ICA1: variants seen among roughly 807,000 people sequenced by gnomAD.
ICA1 encodes 69 kDa islet cell autoantigen.
ICA1 carries 40 observed loss-of-function variants against 71.0 expected under a neutral mutation model. The ratio of observed to expected loss-of-function variants is 0.56; its 90% confidence interval spans 0.44 to 0.73. The LOEUF is 0.73. Ranked by LOEUF, ICA1 falls within the 30% of genes least tolerant of loss-of-function variation. The pLI, the probability that ICA1 is intolerant of heterozygous loss-of-function variation, is 0.00. For missense variants in ICA1, 578 were observed against 576.5 expected, an observed-to-expected ratio of 1.00 and a Z score of -0.03; for synonymous variants, 207 against 209.5, an observed-to-expected ratio of 0.99 and a Z score of 0.10.
chr7:8,116,266 G>T (rs1323303214), intron 13 of ICA1: 1 of 152,224 alleles, frequency 6.6e-6, no homozygotes, highest in Non-Finnish European at 1.5e-5. Flanking sequence ...CATTTGGACT[G>T]CTTGTCTTTG....
At chr7:8,247,435 G>T (rs1385130872) in intron 1 of ICA1, among the ~76,000 whole-genome samples, 1 of 152,012 alleles carries the variant, frequency 6.6e-6, no homozygotes, top group African/African-American at 2.4e-5. Flanking sequence ...ACTCCAGCCT[G>T]GGTGACAGAG....
At chr7:8,187,741 T>C (rs1478470802) in intron 6 of ICA1, among the ~76,000 whole-genome samples, 2 of 152,248 alleles carry the variant, frequency 1.3e-5, no homozygotes, top group African/African-American at 4.8e-5. Context: ...TATAAGCTTT[T>C]TTCTATCTTT....
At chr7:8,262,041 GCT>G (rs1181309797) in intron 1 of ICA1, 51 bp downstream of exon 1, 1 of 152,182 alleles carries the variant, frequency 6.6e-6, no homozygotes, top group African/African-American at 2.4e-5. Context: ...GTCTCCTGCT[GCT>G]TCCTGCAGCC....
chr7:8,153,836 A>AATAT (rs33924786), intron 8 of ICA1, among the ~76,000 whole-genome samples: 5,297 of 137,076 alleles, frequency 0.039, 163 homozygotes, highest in African/African-American at 0.064. Context: ...ACTCATGCAG[A>AATAT]ATATATATAT....
intron 3 of ICA1, among the ~76,000 whole-genome samples, chr7:8,231,092 G>A (rs957072431): frequency 2.6e-5 from 4 of 151,864 alleles, no homozygotes; most frequent in African/African-American, 9.7e-5. Flanking sequence ...GGGTAGGTGG[G>A]GAGCAGGGGT....
At chr7:8,202,421 C>CTA (rs1218613607) in intron 6 of ICA1, among the ~76,000 whole-genome samples, 1 of 152,198 alleles carries the variant, frequency 6.6e-6, no homozygotes, top group African/African-American at 2.4e-5. Flanking sequence ...TTGCTTAGAA[C>CTA]TGTAGCTGAT....
chr7:8,240,517 G>A (rs186381388), intron 1 of ICA1, among the ~76,000 whole-genome samples: 15 of 152,246 alleles, frequency 9.9e-5, no homozygotes, highest in Middle Eastern at 3.4e-3. Flanking sequence ...CCAAAGGATC[G>A]CAGCCCCTTG....
intron 6 of ICA1, among the ~76,000 whole-genome samples, chr7:8,175,058 T>C (rs980062484): frequency 6.6e-6 from 1 of 152,116 alleles, no homozygotes; most frequent in African/African-American, 2.4e-5. Context: ...TCATCTCATG[T>C]GCTTGTCAGG....
In ICA1 at chr7:8,222,149, G is replaced by A. The variant is rs1797307737; in HGVS notation, c.257-751C>T. Among the ~76,000 whole-genome samples, 1 of 152,136 alleles carries A rather than the reference G, an allele frequency of 6.6e-6. No individual in the cohort carries two copies. The highest frequency in any genetic ancestry group is 1.5e-5 in the Non-Finnish European group (1 of 68,022). Reference sequence around the variant, plus strand: ...TCTACTGTTAGGAGAACTTCCTAAGGAAGTAGCAAAATGGGCACAAAGATG... The same window carrying A: ...TCTACTGTTAGGAGAACTTCCTAAGAAAGTAGCAAAATGGGCACAAAGATG... On this transcript the variant is annotated intron_variant, in intron 4 of 13. Coordinates refer to ENST00000402384, the MANE Select transcript of ICA1 (RefSeq NM_001136020.3). This position sits in a 1 kb window ranked among gnomAD's most constrained non-coding sequence, Gnocchi z 4.8.
chr7:8,226,796 A>T lies in ICA1; in HGVS notation c.256+1805T>A, dbSNP rs1307518518. 6.6e-6 allele frequency among the ~76,000 whole-genome samples: 1 copy of T among 152,236 alleles called. No homozygotes were observed. The highest frequency in any genetic ancestry group is 1.5e-5 in the Non-Finnish European group (1 of 68,038). ...TGACTGCTTCAACGGTGGGGACATT[A>T]TTCTAACCCTTTATATTACAAGATA... is the stretch of plus-strand genomic sequence containing the variant. On this transcript the variant is annotated intron_variant, in intron 4 of 13. Transcript: ENST00000402384. The surrounding 1 kb of genome is among the most constrained non-coding windows in gnomAD (Gnocchi z 4.4).
chr7:8,254,401 G>C (rs1809299095), intron 1 of ICA1, among the ~76,000 whole-genome samples: 1 of 151,386 alleles, frequency 6.6e-6, no homozygotes, highest in Admixed American at 6.6e-5. Context: ...GGAGGAGCAA[G>C]AAAGGATCTC....
chr7:8,162,914 C>G (rs1363398395), intron 6 of ICA1, among the ~76,000 whole-genome samples: 1 of 152,200 alleles, frequency 6.6e-6, no homozygotes. Context: ...CAGGCTTGCG[C>G]CACCACGCCT....
intron 12 of ICA1, among the ~76,000 whole-genome samples, chr7:8,138,296 A>G (rs1794086061): frequency 6.6e-6 from 1 of 152,120 alleles, no homozygotes; most frequent in South Asian, 2.1e-4. Context: ...GTCAGTAGAG[A>G]CTTACTACAG....
At chr7:8,141,948 G>T (rs17847173) in intron 9 of ICA1, 131 bp from the exon 10 acceptor site, 5 of 1,456,356 alleles carry the variant, frequency 3.4e-6, no homozygotes, top group African/African-American at 2.8e-5. Context: ...CACGAAGAAG[G>T]GTCAACATAT....
At chr7:8,246,698 T>G (rs140213994) in intron 1 of ICA1, among the ~76,000 whole-genome samples, 1 of 152,344 alleles carries the variant, frequency 6.6e-6, no homozygotes, top group African/African-American at 2.4e-5. Flanking sequence ...GGACACTTTG[T>G]TCAGGTTTTC....
chr7:8,148,085 A>G (rs1243282126), intron 8 of ICA1, among the ~76,000 whole-genome samples: 1 of 152,072 alleles, frequency 6.6e-6, no homozygotes, highest in Non-Finnish European at 1.5e-5. Context: ...CTGTGTCCTG[A>G]GCTGCTGGGA....
chr7:8,237,540 G>C (rs756170038), intron 1 of ICA1, among the ~76,000 whole-genome samples: 15 of 152,158 alleles, frequency 9.9e-5, no homozygotes, highest in South Asian at 2.1e-4. Context: ...CAGATCTCTA[G>C]AACTTTTTCA....
intron 6 of ICA1, among the ~76,000 whole-genome samples, chr7:8,205,341 G>C (rs747520381): frequency 1.3e-5 from 2 of 152,158 alleles, no homozygotes; most frequent in Non-Finnish European, 2.9e-5. Flanking sequence ...TACTTGATTT[G>C]TGGTGCCTCT....
At chr7:8,184,920 A>C (rs1280827018) in intron 6 of ICA1, among the ~76,000 whole-genome samples, 4 of 152,126 alleles carry the variant, frequency 2.6e-5, no homozygotes, top group Non-Finnish European at 4.4e-5. Context: ...ATTAAAATAC[A>C]AAAATTAGTT....
Sources: gnomAD v4.1 joint callset for allele counts (sites outside exome capture counted in the v4.1 genomes callset) on GRCh38, gnomAD v4.1.1 for gene constraint, Gnocchi (gnomAD v3.1) non-coding constraint, MANE v1.5 for transcripts, NCBI Gene and HGNC (gene_info 2026-07-23, HGNC 2026-07-21) for gene names.